Variants in CACNA1B observed in about 807,000 individuals in gnomAD.
CACNA1B encodes voltage-dependent N-type calcium channel subunit alpha-1B.
CACNA1B carries 70 observed loss-of-function variants against 247.2 expected under a neutral mutation model. The ratio of observed to expected loss-of-function variants is 0.28; its 90% CI spans 0.23 to 0.35. The LOEUF is 0.35. Ranked by LOEUF, CACNA1B falls within the 10% of genes least tolerant of loss-of-function variation. The pLI is 1.00. For synonymous variants in CACNA1B, 1,231 were observed against 1,294.4 expected (o/e 0.95, Z 1.05); for missense variants, 2,367 against 3,197.4 (o/e 0.74, Z 6.26).
chr9:137,929,850 T>C (rs940172211), intron 6 of CACNA1B, among the ~76,000 whole-genome samples: 4 of 152,036 alleles, frequency 2.6e-5, no homozygotes, highest in African/African-American at 4.8e-5. Flanking sequence ...GATGAGGTCT[T>C]CCTGTGTTGC....
chr9:138,041,663 G>A (rs1959124391), intron 20 of CACNA1B, among the ~76,000 whole-genome samples: 2 of 152,028 alleles, frequency 1.3e-5, no homozygotes, highest in South Asian at 2.1e-4. Context: ...AGTTCCATCC[G>A]AGCCCTGGCA....
At chr9:138,118,965 G>A (rs1026628735) in intron 44 of CACNA1B, among the ~76,000 whole-genome samples, 197 bp downstream of exon 44, 2 of 152,084 alleles carry the variant, frequency 1.3e-5, no homozygotes, top group Non-Finnish European at 2.9e-5. Flanking sequence ...CAGCCTGGAC[G>A]CCTTCAGCCC....
intron 3 of CACNA1B, among the ~76,000 whole-genome samples, chr9:137,900,765 GT>G (rs1957227957): frequency 6.8e-6 from 1 of 148,096 alleles, no homozygotes; most frequent in Middle Eastern, 3.7e-3. Flanking sequence ...CTGTCCCTGT[GT>G]CTGTGTGTCC....
intron 15 of CACNA1B, among the ~76,000 whole-genome samples, chr9:138,000,572 C>A (rs1453008080): frequency 2.0e-5 from 3 of 152,160 alleles, no homozygotes; most frequent in Non-Finnish European, 2.9e-5. Context: ...TTTCACCAAG[C>A]CTTTCAAGAA....
In CACNA1B at chr9:138,123,653, A is replaced by C. The variant is rs1962176518; in HGVS notation, c.*1654A>C. ...CAGTGTGTGGATGTCATTAACCCATAGGGCTATGCAACAAAAGACACATTT... is the reference window on the plus strand; with the variant it reads ...CAGTGTGTGGATGTCATTAACCCATCGGGCTATGCAACAAAAGACACATTT... On this transcript the variant is annotated 3_prime_UTR_variant, in exon 47 of 47. Coordinates refer to ENST00000371372, the MANE Select transcript of CACNA1B (RefSeq NM_000718.4). The C allele has an allele frequency of 6.6e-6, 1 of 151,912 alleles. No homozygotes were observed. Among genetic ancestry groups the C allele is most frequent in the Non-Finnish European group, 1.5e-5 (1 of 68,000 alleles). 9.4% of individuals were successfully genotyped at this position (151,912 alleles called of 1,614,324 possible). A position where few individuals can be genotyped will look rare whatever the true frequency, so the allele number is the denominator to read the frequency against.
intron 6 of CACNA1B, among the ~76,000 whole-genome samples, chr9:137,949,121 A>ATCTG (rs1564203203): frequency 2.4e-3 from 2 of 822 alleles, no homozygotes; most frequent in South Asian, 0.062. Flanking sequence ...CTGTGTGTCC[A>ATCTG]GTGTGTGTGT....
In CACNA1B at chr9:137,971,223, C is replaced by T. The variant is rs1258177318; in HGVS notation, c.1334-160C>T. On this transcript the variant is annotated intron_variant, in intron 10 of 46. Transcript: ENST00000371372. The surrounding 1 kb of genome is among the most constrained non-coding windows in gnomAD (Gnocchi z 4.4). ...GAGATCATCAGGGCCTTGGTTCCCT[C>T]AGCTGTGAAGTGGAGGTCACAGGGG... 1.3e-5 allele frequency among the ~76,000 whole-genome samples: 2 copies of T among 152,116 alleles called. No homozygotes were observed. Among genetic ancestry groups the T allele is most frequent in the East Asian group, 3.9e-4 (2 of 5,190 alleles).
intron 36 of CACNA1B, among the ~76,000 whole-genome samples, chr9:138,094,795 A>G (rs914153767): frequency 6.6e-5 from 10 of 152,242 alleles, no homozygotes; most frequent in African/African-American, 1.9e-4. Context: ...TCTGTGTTCA[A>G]TTGACTTTTG....
chr9:137,937,019 A>T (rs1324363194), intron 6 of CACNA1B, among the ~76,000 whole-genome samples: 3 of 152,316 alleles, frequency 2.0e-5, no homozygotes, highest in African/African-American at 7.2e-5. Flanking sequence ...TCTGTGGAGA[A>T]AGTCATTGGT....
chr9:138,049,978 C>A, intron 24 of CACNA1B: 2 of 822,414 alleles, frequency 2.4e-6, no homozygotes, highest in Non-Finnish European at 3.6e-6. Flanking sequence ...GGACGACAGA[C>A]ATGAGGGAGG....
intron 35 of CACNA1B, among the ~76,000 whole-genome samples, chr9:138,077,455 C>G (rs1589114890): frequency 6.6e-6 from 1 of 151,902 alleles, no homozygotes; most frequent in African/African-American, 2.4e-5. Context: ...GCAGCAGGTC[C>G]CACAGTGCTA....
At chr9:138,119,687 G>T (rs1318780443) in intron 44 of CACNA1B, among the ~76,000 whole-genome samples, 1 of 152,054 alleles carries the variant, frequency 6.6e-6, no homozygotes, top group Non-Finnish European at 1.5e-5. Flanking sequence ...CCTGGTGGGT[G>T]GGTGCAGGCT....
chr9:137,998,823 A>G (rs1958530257), intron 15 of CACNA1B, among the ~76,000 whole-genome samples: 1 of 152,264 alleles, frequency 6.6e-6, no homozygotes, highest in South Asian at 2.1e-4. Flanking sequence ...TAAGAGATTT[A>G]TAACATGTCT....
chr9:137,906,057 G>A (rs1957295696), intron 3 of CACNA1B, among the ~76,000 whole-genome samples: 2 of 152,232 alleles, frequency 1.3e-5, no homozygotes, highest in South Asian at 4.1e-4. Context: ...CTGCAGTTAG[G>A]TTGTAATTTA....
chr9:137,909,356 C>A (rs1399295767), intron 3 of CACNA1B, among the ~76,000 whole-genome samples: 3 of 152,232 alleles, frequency 2.0e-5, no homozygotes, highest in Non-Finnish European at 4.4e-5. Context: ...GAACTCCCCA[C>A]TTCCCTTCCT....
In CACNA1B at chr9:138,090,701, C is replaced by CAAAAAAAAAAAAAA. The variant is rs1173964720; in HGVS notation, c.5095-5763_5095-5750dup. 1.0e-3 allele frequency among the ~76,000 whole-genome samples: 17 copies of CAAAAAAAAAAAAAA among 16,590 alleles called. 1 individual carries two copies. Among genetic ancestry groups the CAAAAAAAAAAAAAA allele is most frequent in the East Asian group, 5.6e-3 (1 of 180 alleles). 10.9% of individuals were successfully genotyped at this position (16,590 alleles called of 152,430 possible). A position where few individuals can be genotyped will look rare whatever the true frequency, so the allele number is the denominator to read the frequency against. ...TACAAGGTGAAACTCAACCCATCAG[C>CAAAAAAAAAAAAAA]AAAAAAAAAAAAAAAAAAAAAAAAA... On this transcript the variant is annotated intron_variant, in intron 36 of 46. Coordinates refer to ENST00000371372, the MANE Select transcript of CACNA1B (RefSeq NM_000718.4).
intron 45 of CACNA1B, 35 bp downstream of exon 45, chr9:138,120,407 A>C: frequency 6.6e-7 from 1 of 1,515,422 alleles, no homozygotes; most frequent in Non-Finnish European, 8.8e-7. Flanking sequence ...TCCTTCGGGG[A>C]GCTATGGCCC....
At chr9:137,894,601 G>A (rs986840450) in intron 3 of CACNA1B, among the ~76,000 whole-genome samples, 8 of 151,924 alleles carry the variant, frequency 5.3e-5, no homozygotes, top group Non-Finnish European at 7.4e-5. Flanking sequence ...GTAGAGACGG[G>A]GTTTCACCGT....
In CACNA1B at chr9:138,122,217, C is replaced by G; in HGVS notation, c.*218C>G. On this transcript the variant is annotated 3_prime_UTR_variant, in exon 47 of 47. Coordinates refer to ENST00000371372, the MANE Select transcript of CACNA1B (RefSeq NM_000718.4). Reference sequence around the variant, plus strand: ...TCTCTCTGTCCCCTTCCTGTCCTGCCTTCCTGGGTCTCGTACCACACACCA... The same window carrying G: ...TCTCTCTGTCCCCTTCCTGTCCTGCGTTCCTGGGTCTCGTACCACACACCA... 1.7e-6 allele frequency: 1 copy of G among 589,338 alleles called. No individual in the cohort carries two copies. The allele number at this position is 589,338 out of a possible 1,614,324, so 36.5% of individuals were successfully genotyped here.
Sources: gnomAD v4.1 joint callset for allele counts (sites outside exome capture counted in the v4.1 genomes callset) on GRCh38, gnomAD v4.1.1 for gene constraint, Gnocchi (gnomAD v3.1) non-coding constraint, MANE v1.5 for transcripts, NCBI Gene and HGNC (gene_info 2026-07-23, HGNC 2026-07-21) for gene names.